The following RYR2 variants were observed in gnomAD, a reference collection of about 807,000 sequenced individuals.
RYR2 encodes cardiac muscle ryanodine receptor-calcium release channel.
In RYR2, 227 loss-of-function variants were observed where a neutral mutation model predicts 601.1. The observed-to-expected ratio is 0.38, with a 90% CI of 0.34 to 0.42. The LOEUF (loss-of-function observed/expected upper bound fraction) is 0.42, where lower values mean the gene tolerates loss of function less well. RYR2 is among the 10% of genes least tolerant of loss of function. The pLI, the probability that RYR2 is intolerant of heterozygous loss-of-function variation, is 1.00. For missense variants in RYR2, 4,646 were observed against 6,156.5 expected (o/e 0.75, Z 8.21); for synonymous variants, 2,223 against 2,175.1 (o/e 1.02, Z -0.61).
intron 24 of RYR2, among the ~76,000 whole-genome samples, chr1:237,512,920 T>C (rs531055229): frequency 6.6e-6 from 1 of 152,248 alleles, no homozygotes; most frequent in East Asian, 1.9e-4. Context: ...AGTCTTACTG[T>C]GTTGCCCAGG....
intron 1 of RYR2, among the ~76,000 whole-genome samples, chr1:237,055,031 C>A (rs1398527348): frequency 6.6e-6 from 1 of 152,210 alleles, no homozygotes; most frequent in Non-Finnish European, 1.5e-5. Context: ...CCCACTGTTG[C>A]TGGTCCCTAG....
At chr1:237,218,119 G>A (rs1683390360) in intron 1 of RYR2, among the ~76,000 whole-genome samples, 1 of 152,002 alleles carries the variant, frequency 6.6e-6, no homozygotes, top group Non-Finnish European at 1.5e-5. Context: ...CATCAATAAA[G>A]TTTAATAATT....
chr1:237,105,099 G>T (rs991089596), intron 1 of RYR2, among the ~76,000 whole-genome samples: 13 of 152,186 alleles, frequency 8.5e-5, no homozygotes, highest in Admixed American at 3.3e-4. Context: ...ATGAGTCTCA[G>T]TGCCGGCAAA....
chr1:237,763,779 G>A (rs1267603823), intron 84 of RYR2, among the ~76,000 whole-genome samples: 1 of 152,180 alleles, frequency 6.6e-6, no homozygotes, highest in Non-Finnish European at 1.5e-5. Flanking sequence ...TAATATTACA[G>A]TATCTTCCAG....
intron 14 of RYR2, among the ~76,000 whole-genome samples, chr1:237,450,663 C>T (rs1302706820): frequency 6.6e-6 from 1 of 152,106 alleles, no homozygotes; most frequent in African/African-American, 2.4e-5. Context: ...TCCTTGTTCC[C>T]CTTGGGAAAT....
intron 5 of RYR2, among the ~76,000 whole-genome samples, chr1:237,366,455 A>G (rs896920618): frequency 6.6e-6 from 1 of 151,946 alleles, no homozygotes; most frequent in Non-Finnish European, 1.5e-5. Flanking sequence ...AGGCTGGAGT[A>G]CAGTGGCATG....
chr1:237,521,080 G>T (rs1033698407), intron 24 of RYR2, among the ~76,000 whole-genome samples: 1 of 152,126 alleles, frequency 6.6e-6, no homozygotes, highest in East Asian at 1.9e-4. Flanking sequence ...TCCCAACAAT[G>T]AAAAGCCCAG....
intron 2 of RYR2, among the ~76,000 whole-genome samples, chr1:237,277,152 TAAG>T (rs1690371636): frequency 1.3e-5 from 2 of 152,174 alleles, no homozygotes; most frequent in South Asian, 4.1e-4. Flanking sequence ...TTAGGAAAGA[TAAG>T]GAGAAAAATC....
rs60885998 is a variant in RYR2, at chr1:237,626,580, C to CTTTTTTTTTT, written c.6166+798_6166+807dup. On this transcript the variant is annotated intron_variant, in intron 40 of 104. Coordinates refer to ENST00000366574, the MANE Select transcript of RYR2 (RefSeq NM_001035.3). ...TTCTTTTCTTTTTCTTTTTCTTTTT[C>CTTTTTTTTTT]TTTTTTTTTTTTTTTTTTTTTTTTT... is the stretch of plus-strand genomic sequence containing the variant. Among the ~76,000 whole-genome samples, 61 of 40,058 alleles carry CTTTTTTTTTT rather than the reference C, an allele frequency of 1.5e-3. 8 individuals carry two copies. Among genetic ancestry groups the CTTTTTTTTTT allele is most frequent in the East Asian group, 0.013 (13 of 974 alleles). 26.3% of individuals were successfully genotyped at this position (40,058 alleles called of 152,430 possible).
intron 12 of RYR2, among the ~76,000 whole-genome samples, chr1:237,430,929 G>A (rs149896888): frequency 2.6e-4 from 40 of 152,288 alleles, no homozygotes; most frequent in African/African-American, 9.4e-4. Context: ...CAGGGATTCT[G>A]TTTCTGGAAT....
At chr1:237,755,396 T>C (rs552598459) in intron 80 of RYR2, among the ~76,000 whole-genome samples, 1 of 152,338 alleles carries the variant, frequency 6.6e-6, no homozygotes, top group South Asian at 2.1e-4. Flanking sequence ...TTTATGGACA[T>C]GATACTAATT....
At chr1:237,822,002 G>T (rs1032433187) in intron 101 of RYR2, among the ~76,000 whole-genome samples, 1 of 151,990 alleles carries the variant, frequency 6.6e-6, no homozygotes, top group African/African-American at 2.4e-5. Flanking sequence ...AATGAACAAA[G>T]CCTCCAGGAA....
At chr1:237,107,783 GT>G (rs1168681319) in intron 1 of RYR2, among the ~76,000 whole-genome samples, 5 of 152,270 alleles carry the variant, frequency 3.3e-5, no homozygotes, top group African/African-American at 1.2e-4. Context: ...GATTCACGGT[GT>G]CCTGCAGCCT....
chr1:237,276,669 A>G (rs2149366994), intron 2 of RYR2, among the ~76,000 whole-genome samples: 1 of 152,306 alleles, frequency 6.6e-6, no homozygotes, highest in Non-Finnish European at 1.5e-5. Context: ...AATGATCACA[A>G]AAGGAAATTA....
chr1:237,747,542 T>C (rs1287791742), intron 80 of RYR2, among the ~76,000 whole-genome samples: 2 of 152,210 alleles, frequency 1.3e-5, no homozygotes, highest in Non-Finnish European at 2.9e-5. Context: ...ATTAATATTA[T>C]ATAGCACTAC....
chr1:237,226,458 A>G (rs1684377764), intron 1 of RYR2, among the ~76,000 whole-genome samples: 1 of 152,182 alleles, frequency 6.6e-6, no homozygotes, highest in Non-Finnish European at 1.5e-5. Flanking sequence ...ATGTTACATG[A>G]TATGAGTAGC....
chr1:237,279,861 A>T (rs1007377172), intron 2 of RYR2, among the ~76,000 whole-genome samples: 1 of 152,216 alleles, frequency 6.6e-6, no homozygotes, highest in African/African-American at 2.4e-5. Flanking sequence ...AGGCAGTAAG[A>T]GGATCTTTGA....
chr1:237,471,436 C>T (rs896111138), intron 17 of RYR2, among the ~76,000 whole-genome samples: 3 of 152,134 alleles, frequency 2.0e-5, no homozygotes, highest in Non-Finnish European at 4.4e-5. Flanking sequence ...AAGATGGTGG[C>T]ATAGATTACA....
chr1:237,731,915 CA>C, intron 77 of RYR2, 130 bp from the exon 78 acceptor site: 2 of 609,436 alleles, frequency 3.3e-6, no homozygotes, highest in Non-Finnish European at 2.9e-6. Flanking sequence ...CACACACACA[CA>C]CACCCCACAA....
Sources: gnomAD v4.1 joint callset for allele counts (sites outside exome capture counted in the v4.1 genomes callset) on GRCh38, gnomAD v4.1.1 for gene constraint, MANE v1.5 for transcripts, NCBI Gene and HGNC (gene_info 2026-07-23, HGNC 2026-07-21) for gene names.